Variants in SYT16 observed in about 807,000 individuals in gnomAD.
SYT16 encodes synaptotagmin 16.
A neutral mutation model predicts 61.4 loss-of-function variants in SYT16; 42 were observed. That is an observed-to-expected ratio of 0.68 (90% CI 0.53 to 0.89). The LOEUF is 0.89. Ranked by LOEUF, SYT16 falls within the 40% of genes least tolerant of loss-of-function variation. The probability of loss-of-function intolerance (pLI) is 0.00; values close to 1 mark genes in which losing one functional copy is unlikely to be tolerated. For missense variants in SYT16, 804 were observed against 807.3 expected (o/e 1.00, Z 0.05); for synonymous variants, 314 against 302.3 (o/e 1.04, Z -0.40).
intron 1 of SYT16, among the ~76,000 whole-genome samples, chr14:61,946,080 A>C (rs990211447): frequency 1.3e-5 from 2 of 152,020 alleles, no homozygotes; most frequent in African/African-American, 4.8e-5. Flanking sequence ...GCTGGAGGAG[A>C]GATAGCATTA....
At chr14:61,872,285 T>C (rs1022693755) in intron 1 of SYT16, among the ~76,000 whole-genome samples, 1 of 152,204 alleles carries the variant, frequency 6.6e-6, no homozygotes, top group Non-Finnish European at 1.5e-5. Context: ...AGTACATATA[T>C]AATGTTTTGA....
At chr14:61,839,580 A>G (rs2046239027) in intron 1 of SYT16, among the ~76,000 whole-genome samples, 1 of 152,168 alleles carries the variant, frequency 6.6e-6, no homozygotes, top group Non-Finnish European at 1.5e-5. Flanking sequence ...CAGTACATTC[A>G]GGCAGTGAGA....
chr14:62,002,503 T>G (rs1368121813), intron 3 of SYT16, among the ~76,000 whole-genome samples: 3 of 152,078 alleles, frequency 2.0e-5, no homozygotes, highest in Non-Finnish European at 2.9e-5. Context: ...GCTAGTGTGA[T>G]GTGGTTGAGT....
intron 1 of SYT16, among the ~76,000 whole-genome samples, chr14:61,897,038 G>A (rs2048348665): frequency 6.6e-6 from 1 of 152,144 alleles, no homozygotes; most frequent in Non-Finnish European, 1.5e-5. Context: ...AGTTCTTACA[G>A]TTTCAAGTGG....
intron 1 of SYT16, among the ~76,000 whole-genome samples, chr14:61,875,542 TGCTGGTTGATTTAAGCA>T (rs1197264309): frequency 1.3e-5 from 2 of 152,224 alleles, no homozygotes. Flanking sequence ...TAAACACCAG[TGCTGGTTGATTTAAGCA>T]GCAAATGAAT....
At chr14:61,932,680 A>G (rs961628153) in intron 1 of SYT16, among the ~76,000 whole-genome samples, 5 of 152,202 alleles carry the variant, frequency 3.3e-5, no homozygotes, top group Non-Finnish European at 7.4e-5. Context: ...GAGCCAAACC[A>G]TATCAGAGTC....
intron 1 of SYT16, among the ~76,000 whole-genome samples, chr14:61,890,673 A>G (rs924789948): frequency 6.6e-6 from 1 of 152,140 alleles, no homozygotes; most frequent in Admixed American, 6.5e-5. Context: ...CACCAATGAC[A>G]GAAATTGTGT....
intron 1 of SYT16, among the ~76,000 whole-genome samples, chr14:61,948,754 T>A (rs962170450): frequency 2.6e-5 from 4 of 152,176 alleles, no homozygotes; most frequent in African/African-American, 9.7e-5. Flanking sequence ...AGTACCAAGC[T>A]CAGAATCTTG....
intron 2 of SYT16, among the ~76,000 whole-genome samples, chr14:61,972,128 G>A (rs2051587467): frequency 6.6e-6 from 1 of 152,158 alleles, no homozygotes; most frequent in East Asian, 1.9e-4. Context: ...AATTAATTCT[G>A]TAGAGACACC....
chr14:61,905,313 G>T (rs770023474), intron 1 of SYT16, among the ~76,000 whole-genome samples: 12 of 151,792 alleles, frequency 7.9e-5, no homozygotes, highest in Non-Finnish European at 1.6e-4. Flanking sequence ...TGGTAGGGAT[G>T]TTAGCTGTCC....
At chr14:62,096,562 A>C (rs374003105) in intron 7 of SYT16, among the ~76,000 whole-genome samples, 1 of 152,146 alleles carries the variant, frequency 6.6e-6, no homozygotes. Context: ...GATAATATAA[A>C]AAATTAATGG....
Position 62,104,336 on chromosome 14 carries a change from T to A in SYT16, c.*3629T>A, listed in dbSNP as rs971786466. On this transcript the variant is annotated 3_prime_UTR_variant, in exon 8 of 8. Coordinates refer to ENST00000683842, the MANE Select transcript of SYT16 (RefSeq NM_001367656.1). Reference sequence around the variant, plus strand: ...ACTAGAACACGCATGTGGTATCTCCTTTTACTTTTGAGGAAACTGTGGTTA... The same window carrying A: ...ACTAGAACACGCATGTGGTATCTCCATTTACTTTTGAGGAAACTGTGGTTA... 2 of 151,942 alleles carry A rather than the reference T, an allele frequency of 1.3e-5. No homozygotes were observed. Among genetic ancestry groups the A allele is most frequent in the Non-Finnish European group, 2.9e-5 (2 of 67,870 alleles). The allele number at this position is 151,942 out of a possible 1,614,324, so 9.4% of individuals were successfully genotyped here.
At chr14:61,939,587 G>A (rs1399269984) in intron 1 of SYT16, among the ~76,000 whole-genome samples, 2 of 152,098 alleles carry the variant, frequency 1.3e-5, no homozygotes, top group Non-Finnish European at 2.9e-5. Flanking sequence ...CATGCCTGTG[G>A]CCAGATTTCC....
At chr14:61,940,792 G>A (rs949139357) in intron 1 of SYT16, among the ~76,000 whole-genome samples, 1 of 152,078 alleles carries the variant, frequency 6.6e-6, no homozygotes, top group African/African-American at 2.4e-5. Flanking sequence ...CATAGTGGTG[G>A]GGCAGGCTTC....
chr14:61,905,779 GA>G lies in SYT16; in HGVS notation c.-324-64352del, dbSNP rs1566668519. Among the ~76,000 whole-genome samples, 8 of 138,250 alleles carry G rather than the reference GA, an allele frequency of 5.8e-5. No homozygotes were observed. The South Asian group carries it at 1.4e-3, about 24-fold the overall frequency. 90.7% of individuals were successfully genotyped at this position (138,250 alleles called of 152,430 possible). The stretch of plus-strand genomic sequence containing the variant: ...TCTTCTTCTTTTTTTTTTTTTTGGG[GA>G]TAAATCTCGCTCTGTTGCCCAGTCT... On this transcript the variant is annotated intron_variant, in intron 1 of 7. Coordinates refer to ENST00000683842, the MANE Select transcript of SYT16 (RefSeq NM_001367656.1).
At chr14:62,050,214 C>T (rs12880592) in intron 3 of SYT16, among the ~76,000 whole-genome samples, 1,936 of 152,262 alleles carry the variant, frequency 0.013, 29 homozygotes, top group Middle Eastern at 0.051. Flanking sequence ...CGCTTCATTT[C>T]GTTCATTTTG....
chr14:61,851,510 AACTT>A lies in SYT16; in HGVS notation c.-325+38703_-325+38706del, dbSNP rs2046619729. ...CACTGTCTTCCACAATGGTTGAACT[AACTT>A]ACACTCCCACCAGTAGTGTAAAAGC... is the stretch of plus-strand genomic sequence containing the variant. On this transcript the variant is annotated intron_variant, in intron 1 of 7. Coordinates refer to ENST00000683842, the MANE Select transcript of SYT16 (RefSeq NM_001367656.1). 2.6e-5 allele frequency among the ~76,000 whole-genome samples: 4 copies of A among 152,306 alleles called. 1 individual carries two copies. In the South Asian group the frequency reaches 8.3e-4, roughly 32 times the overall value.
At chr14:62,086,773 A>G (rs1227851555) in intron 7 of SYT16, among the ~76,000 whole-genome samples, 3 of 152,254 alleles carry the variant, frequency 2.0e-5, no homozygotes, top group Admixed American at 1.3e-4. Flanking sequence ...GTTTAAGTCT[A>G]TTTGGCATTT....
intron 1 of SYT16, among the ~76,000 whole-genome samples, chr14:61,886,906 T>G (rs868512919): frequency 6.9e-6 from 1 of 144,190 alleles, no homozygotes; most frequent in African/African-American, 2.7e-5. Flanking sequence ...GTCTTTTTTT[T>G]TTTTTCCTTT....
Sources: allele counts gnomAD v4.1 joint callset (sites outside exome capture counted in the v4.1 genomes callset), GRCh38; gene constraint gnomAD v4.1.1; transcripts MANE v1.5; gene names NCBI Gene and HGNC (gene_info 2026-07-23, HGNC 2026-07-21).